CREB5: variants seen among roughly 807,000 people sequenced by gnomAD.
CREB5 encodes the protein cyclic AMP-responsive element-binding protein 5.
Under a neutral mutation model 57.1 loss-of-function variants are expected in CREB5, and 19 were observed. The observed-to-expected ratio is 0.33, with a 90% CI of 0.23 to 0.49. The LOEUF is 0.49. Ranked by LOEUF, CREB5 falls within the 20% of genes least tolerant of loss-of-function variation. CREB5 has a pLI of 0.99. For missense variants in CREB5, 579 were observed against 671.6 expected (o/e 0.86, Z 1.52); for synonymous variants, 238 against 238.3 (o/e 1.00, Z 0.01).
At chr7:28,478,134 G>A (rs981642270) in intron 1 of CREB5, among the ~76,000 whole-genome samples, 2 of 151,988 alleles carry the variant, frequency 1.3e-5, no homozygotes, top group African/African-American at 4.8e-5. Flanking sequence ...AACAAACCCC[G>A]CAAAACCCCA....
intron 5 of CREB5, among the ~76,000 whole-genome samples, chr7:28,675,698 T>A (rs990475000): frequency 1.3e-5 from 2 of 152,102 alleles, no homozygotes; most frequent in Non-Finnish European, 2.9e-5. Context: ...TTATGGGGCC[T>A]TCTAGACTCA....
intron 1 of CREB5, among the ~76,000 whole-genome samples, chr7:28,445,664 G>C (rs1385883696): frequency 6.6e-6 from 1 of 151,924 alleles, no homozygotes; most frequent in South Asian, 2.1e-4. Context: ...CCATTCTCCT[G>C]CCTCAGCCTC....
chr7:28,741,463 A>C (rs1430388056), intron 7 of CREB5, among the ~76,000 whole-genome samples: 3 of 151,738 alleles, frequency 2.0e-5, no homozygotes, highest in African/African-American at 7.3e-5. Flanking sequence ...AAGGAAACAC[A>C]TCTCTCTCTG....
At chr7:28,725,126 A>T (rs186497449) in intron 7 of CREB5, among the ~76,000 whole-genome samples, 1 of 152,360 alleles carries the variant, frequency 6.6e-6, no homozygotes, top group East Asian at 1.9e-4. Context: ...CAAACTTTCT[A>T]GCATCTGATA....
rs1785936682 is a variant in CREB5, at chr7:28,341,527, G to A, written c.-25+42086G>A. 3.3e-5 allele frequency among the ~76,000 whole-genome samples: 5 copies of A among 152,250 alleles called. No homozygotes were observed. The South Asian group carries it at 1.0e-3, about 32-fold the overall frequency. ...CCTGGTTGATACTAAATTTCTAACG[G>A]ACACCTTGTCTTCATCATCCATATA... On this transcript the variant is annotated intron_variant, in intron 1 of 9. Coordinates refer to the CREB5 transcript ENST00000396299.
chr7:28,488,271 C>G, intron 2 of CREB5, 25 bp downstream of exon 2: 2 of 1,605,520 alleles, frequency 1.2e-6, no homozygotes, highest in Non-Finnish European at 8.5e-7. Flanking sequence ...CCTCCCTGCT[C>G]TGACATGCAG....
At chr7:28,682,925 C>T (rs560311668) in intron 5 of CREB5, among the ~76,000 whole-genome samples, 8 of 152,274 alleles carry the variant, frequency 5.3e-5, no homozygotes, top group Non-Finnish European at 1.0e-4. Flanking sequence ...TCCACTTCTT[C>T]GGAGCCGAAC....
At chr7:28,561,116 GGC>G (rs1350139376) in intron 4 of CREB5, among the ~76,000 whole-genome samples, 2 of 152,118 alleles carry the variant, frequency 1.3e-5, no homozygotes, top group East Asian at 3.9e-4. Flanking sequence ...CTAAGCTGGA[GGC>G]TAACTGTAGT....
intron 7 of CREB5, among the ~76,000 whole-genome samples, chr7:28,766,666 C>CCCTTCAGG (rs909848320): frequency 6.6e-6 from 1 of 152,142 alleles, no homozygotes; most frequent in Non-Finnish European, 1.5e-5. Context: ...TTGAAGACTG[C>CCCTTCAGG]CCTTCAGGCT....
intron 1 of CREB5, among the ~76,000 whole-genome samples, chr7:28,386,525 T>C (rs1242822824): frequency 6.6e-6 from 1 of 152,210 alleles, no homozygotes; most frequent in Non-Finnish European, 1.5e-5. Flanking sequence ...TTATTTATAC[T>C]CCTCAGGACT....
In CREB5 at chr7:28,474,613, A is replaced by G. The variant is rs79261192; in HGVS notation, c.4-13562A>G. Among the ~76,000 whole-genome samples, 458 of 152,322 alleles carry G rather than the reference A, an allele frequency of 3.0e-3. 19 individuals carry two copies. The East Asian group carries it at 0.078, about 26-fold the overall frequency. On this transcript the variant is annotated intron_variant, in intron 1 of 10. Coordinates refer to ENST00000357727, the MANE Select transcript of CREB5 (RefSeq NM_182898.4). ...GAGGACGGATGAGGAAATAACGATC[A>G]TACTACTACTTAGAACTGCGTTTAA... is the stretch of plus-strand genomic sequence containing the variant.
intron 1 of CREB5, among the ~76,000 whole-genome samples, chr7:28,352,962 T>G (rs1786263793): frequency 6.6e-6 from 1 of 152,214 alleles, no homozygotes; most frequent in Admixed American, 6.5e-5. Context: ...GGCAAACACA[T>G]GCCTACCTCT....
chr7:28,662,208 T>C (rs1799636345), intron 5 of CREB5, among the ~76,000 whole-genome samples: 1 of 152,214 alleles, frequency 6.6e-6, no homozygotes, highest in African/African-American at 2.4e-5. Context: ...TTGAAATGGT[T>C]CCTTATCACT....
At chr7:28,560,871 T>TGC (rs1233149536) in intron 4 of CREB5, among the ~76,000 whole-genome samples, 1,443 of 37,910 alleles carry the variant, frequency 0.038, 165 homozygotes, top group East Asian at 0.27. Flanking sequence ...TGTGCCTGCG[T>TGC]GCGCGTGCGT....
At chr7:28,368,825 T>C (rs1442097767) in intron 1 of CREB5, among the ~76,000 whole-genome samples, 2 of 152,198 alleles carry the variant, frequency 1.3e-5, no homozygotes, top group Non-Finnish European at 2.9e-5. Context: ...AGCAGGAGGA[T>C]TGCTTGAACC....
chr7:28,587,096 C>T (rs539849636), intron 5 of CREB5, among the ~76,000 whole-genome samples: 2 of 152,320 alleles, frequency 1.3e-5, no homozygotes, highest in South Asian at 2.1e-4. Flanking sequence ...TTATGGGATT[C>T]TAAATCATTC....
intron 1 of CREB5, among the ~76,000 whole-genome samples, chr7:28,324,465 T>G (rs1785546790): frequency 1.3e-5 from 2 of 152,042 alleles, no homozygotes. Flanking sequence ...TGATATGCCT[T>G]TAAAAAAATA....
intron 4 of CREB5, among the ~76,000 whole-genome samples, chr7:28,559,990 G>T (rs1186405577): frequency 6.6e-6 from 1 of 152,184 alleles, no homozygotes; most frequent in African/African-American, 2.4e-5. Flanking sequence ...ACCTGAAAAG[G>T]GGAGAGGAAG....
At chr7:28,430,534 A>G (rs1788672172) in intron 1 of CREB5, among the ~76,000 whole-genome samples, 1 of 152,206 alleles carries the variant, frequency 6.6e-6, no homozygotes, top group Admixed American at 6.5e-5. Context: ...AGCGGCCGTT[A>G]TGATTGATGT....
Sources: gnomAD v4.1 joint callset for allele counts (sites outside exome capture counted in the v4.1 genomes callset) on GRCh38, gnomAD v4.1.1 for gene constraint, MANE v1.5 for transcripts, NCBI Gene and HGNC (gene_info 2026-07-23, HGNC 2026-07-21) for gene names.